Variants in FAM149B1 observed in about 807,000 individuals in gnomAD.
FAM149B1 encodes the protein family with sequence similarity 149 member B1.
Under a neutral mutation model 75.3 loss-of-function variants are expected in FAM149B1, and 56 were observed. That is an observed-to-expected ratio of 0.74 (90% CI 0.60 to 0.93). FAM149B1 has a LOEUF of 0.93. Among genes scored for constraint, FAM149B1 ranks in the 40% least tolerant of loss-of-function variants. The pLI is 0.00. For synonymous variants in FAM149B1, 259 were observed against 256.1 expected, an observed-to-expected ratio of 1.01 and a Z score of -0.11; for missense variants, 639 against 708.4, an observed-to-expected ratio of 0.90 and a Z score of 1.11.
chr10:73,220,368 C>T (rs1336698441), intron 7 of FAM149B1, among the ~76,000 whole-genome samples: 1 of 152,110 alleles, frequency 6.6e-6, no homozygotes, highest in East Asian at 1.9e-4. Flanking sequence ...GGCAGCTCCT[C>T]AGAATGTTAA....
At chr10:73,185,570 C>T (rs2042501296) in intron 3 of FAM149B1, among the ~76,000 whole-genome samples, 1 of 152,076 alleles carries the variant, frequency 6.6e-6, no homozygotes, top group African/African-American at 2.4e-5. Context: ...ACAAAATCTT[C>T]CCACAAAGAA....
chr10:73,236,488 A>G (rs893586853), intron 12 of FAM149B1, among the ~76,000 whole-genome samples: 1 of 145,978 alleles, frequency 6.9e-6, no homozygotes, highest in Non-Finnish European at 1.5e-5. Context: ...ATCTCAGCTC[A>G]CTGCAACCTC....
chr10:73,186,908 A>G (rs1248284845), intron 3 of FAM149B1, among the ~76,000 whole-genome samples: 3 of 152,130 alleles, frequency 2.0e-5, no homozygotes, highest in African/African-American at 7.2e-5. Flanking sequence ...CTGCTAATGG[A>G]AACAGTTTCT....
intron 13 of FAM149B1, among the ~76,000 whole-genome samples, chr10:73,239,994 GGCTC>G (rs2043905461): frequency 3.3e-5 from 5 of 152,150 alleles, no homozygotes; most frequent in Non-Finnish European, 7.4e-5. Flanking sequence ...GCATGATCAT[GGCTC>G]ACTGTAGCCT....
chr10:73,243,725 C>A lies in FAM149B1; in HGVS notation c.*2706C>A. The A allele has an allele frequency of 8.9e-7, 1 of 1,126,180 alleles. No homozygotes were observed. Among genetic ancestry groups the A allele is most frequent in the Non-Finnish European group, 1.3e-6 (1 of 784,954 alleles). 69.8% of individuals were successfully genotyped at this position (1,126,180 alleles called of 1,614,324 possible). On this transcript the variant is annotated 3_prime_UTR_variant, in exon 14 of 14. Transcript: ENST00000242505. ...CACCAAATTGTACACTTTAAAAGGA[C>A]AAATAGAAGGTATGCGGTTATGTCT...
intron 5 of FAM149B1, among the ~76,000 whole-genome samples, chr10:73,199,142 T>G (rs1235690369): frequency 6.6e-6 from 1 of 152,192 alleles, no homozygotes; most frequent in African/African-American, 2.4e-5. Context: ...TCTATTTAAA[T>G]ATAACTATAA....
At chr10:73,229,546 A>G (rs996222947) in intron 8 of FAM149B1, among the ~76,000 whole-genome samples, 6 of 152,190 alleles carry the variant, frequency 3.9e-5, no homozygotes, top group Non-Finnish European at 7.4e-5. Context: ...CTGCACTCCA[A>G]CCTGGGTGAC....
chr10:73,197,218 G>T (rs1388035905), intron 5 of FAM149B1, among the ~76,000 whole-genome samples: 1 of 152,134 alleles, frequency 6.6e-6, no homozygotes, highest in Non-Finnish European at 1.5e-5. Context: ...GCCCAGGCTG[G>T]TCTTGAACTC....
chr10:73,178,116 C>A, intron 3 of FAM149B1, 141 bp downstream of exon 3: 1 of 877,704 alleles, frequency 1.1e-6, no homozygotes, highest in Non-Finnish European at 1.7e-6. Context: ...AAAGAAGTAT[C>A]AGTCCTCATC....
At chr10:73,202,066 G>A (rs1196576148) in intron 5 of FAM149B1, among the ~76,000 whole-genome samples, 2 of 152,190 alleles carry the variant, frequency 1.3e-5, no homozygotes, top group African/African-American at 4.8e-5. Flanking sequence ...TGGGGAGGCT[G>A]AGACAGGAGA....
intron 3 of FAM149B1, among the ~76,000 whole-genome samples, chr10:73,189,197 C>T (rs535192220): frequency 7.2e-5 from 11 of 152,090 alleles, no homozygotes; most frequent in African/African-American, 2.4e-4. Flanking sequence ...AAGATAACAC[C>T]ACTCCACATT....
In FAM149B1 at chr10:73,218,578, G is replaced by A. The variant is rs549437702; in HGVS notation, c.898+8140G>A. 3.3e-5 allele frequency among the ~76,000 whole-genome samples: 5 copies of A among 152,192 alleles called. No individual in the cohort carries two copies. In the South Asian group the frequency reaches 1.0e-3, roughly 32 times the overall value. ...TCTTAGGGTCCTGCTTGAATGGCTGGCTGAGAGACAAAGCCCTTAAGTTTC... is the reference window on the plus strand; with the variant it reads ...TCTTAGGGTCCTGCTTGAATGGCTGACTGAGAGACAAAGCCCTTAAGTTTC... On this transcript the variant is annotated intron_variant, in intron 7 of 13. Transcript: ENST00000242505.
At chr10:73,227,526 G>A (rs1452670810) in intron 7 of FAM149B1, among the ~76,000 whole-genome samples, 1 of 152,138 alleles carries the variant, frequency 6.6e-6, no homozygotes, top group Non-Finnish European at 1.5e-5. Context: ...TTTTCAAGAT[G>A]CCTTGTTTCT....
intron 5 of FAM149B1, among the ~76,000 whole-genome samples, chr10:73,199,421 G>T (rs1362531170): frequency 6.6e-6 from 1 of 152,068 alleles, no homozygotes; most frequent in East Asian, 1.9e-4. Context: ...GTTTCACTGT[G>T]TTTGCCAGGA....
rs1436421938 is a variant in FAM149B1 at position 73,170,974 on chromosome 10, TA to T, written c.47+2589del. 1.2e-3 allele frequency among the ~76,000 whole-genome samples: 177 copies of T among 147,990 alleles called. 1 individual carries two copies. Among genetic ancestry groups the T allele is most frequent in the African/African-American group, 4.5e-3 (175 of 38,966 alleles). On this transcript the variant is annotated intron_variant, in intron 1 of 13. Transcript: ENST00000242505. ...AGTATAGTTGTATCAGTTTTCTTTC[TA>T]TTTTTTTTTTTTTTGAGACGGAGTC... is the stretch of plus-strand genomic sequence containing the variant.
At chr10:73,239,179 C>T in intron 12 of FAM149B1, 133 bp from the exon 13 acceptor site, 1 of 669,494 alleles carries the variant, frequency 1.5e-6, no homozygotes, top group Admixed American at 2.4e-5. Flanking sequence ...GTGCACTCAG[C>T]TGACTTTTCC....
intron 3 of FAM149B1, among the ~76,000 whole-genome samples, chr10:73,191,405 C>G (rs1213721113): frequency 7.0e-6 from 1 of 142,648 alleles, no homozygotes; most frequent in South Asian, 2.3e-4. Flanking sequence ...AGCACAATCT[C>G]GGCTCACCGC....
chr10:73,215,508 C>T (rs1247486760), intron 7 of FAM149B1, among the ~76,000 whole-genome samples: 5 of 152,190 alleles, frequency 3.3e-5, no homozygotes, highest in African/African-American at 7.2e-5. Flanking sequence ...AGGTGTGAGA[C>T]ACCATGCCCA....
intron 5 of FAM149B1, among the ~76,000 whole-genome samples, chr10:73,197,492 A>G (rs548695224): frequency 6.6e-6 from 1 of 152,316 alleles, no homozygotes; most frequent in Admixed American, 6.5e-5. Context: ...AATTCCAGCC[A>G]GGCACGGTGG....
Sources: gnomAD v4.1 joint callset for allele counts (sites outside exome capture counted in the v4.1 genomes callset) on GRCh38, gnomAD v4.1.1 for gene constraint, MANE v1.5 for transcripts, NCBI Gene and HGNC (gene_info 2026-07-23, HGNC 2026-07-21) for gene names.